Variants in PCDHA10 observed in about 807,000 individuals in gnomAD.
PCDHA10 encodes protocadherin alpha-10.
A neutral mutation model predicts 61.2 loss-of-function variants in PCDHA10; 45 were observed. That is an observed-to-expected ratio of 0.74 (90% CI 0.58 to 0.94). The LOEUF is 0.94. Ranked by LOEUF, PCDHA10 falls within the 40% of genes least tolerant of loss-of-function variation. The pLI, the probability that PCDHA10 is intolerant of heterozygous loss-of-function variation, is 0.00. For synonymous variants in PCDHA10, 602 were observed against 548.8 expected (o/e 1.10, Z -1.35); for missense variants, 1,278 against 1,236.2 (o/e 1.03, Z -0.51).
chr5:140,904,098 A>G (rs184234910), intron 1 of PCDHA10, among the ~76,000 whole-genome samples: 35 of 152,296 alleles, frequency 2.3e-4, no homozygotes, highest in African/African-American at 7.9e-4. Context: ...TAACTACTTT[A>G]GTGGTCATTG....
intron 1 of PCDHA10, chr5:140,882,939 G>T: frequency 2.5e-6 from 4 of 1,614,164 alleles, no homozygotes; most frequent in Non-Finnish European, 3.4e-6. Context: ...GAGCTGACTG[G>T]CACAGTTCAG....
intron 1 of PCDHA10, among the ~76,000 whole-genome samples, chr5:140,973,258 C>T (rs952911948): frequency 1.3e-5 from 2 of 152,168 alleles, no homozygotes; most frequent in African/African-American, 4.8e-5. Flanking sequence ...CTTTCAGTGG[C>T]ACCTACTTTT....
At chr5:140,896,608 C>A (rs1356168334) in intron 1 of PCDHA10, among the ~76,000 whole-genome samples, 2 of 151,832 alleles carry the variant, frequency 1.3e-5, no homozygotes, top group Non-Finnish European at 2.9e-5. Context: ...AACTCCTGGT[C>A]TTAAGTGATC....
chr5:140,951,551 A>C (rs246040), intron 1 of PCDHA10, among the ~76,000 whole-genome samples: 2 of 151,590 alleles, frequency 1.3e-5, no homozygotes, highest in African/African-American at 4.8e-5. Flanking sequence ...GACGGGGGGA[A>C]GTGCTACGCA....
Position 140,857,896 on chromosome 5 carries a change from T to G in PCDHA10, c.1848T>G (p.Gly616=). The G allele has an allele frequency of 6.3e-7, 1 of 1,597,704 alleles. No individual in the cohort carries two copies. Among genetic ancestry groups the G allele is most frequent in the Admixed American group, 1.7e-5 (1 of 59,234 alleles). Residue 616 remains glycine, a synonymous_variant, in exon 1 of 4, where the codon GGT becomes GGG. Transcript: ENST00000307360. Reference sequence around the variant, plus strand: ...ATGAATTGCAGTCGGCGGCGGTTGGTGCACGCATCCCGTTTCGCGTGGGGC... The same window carrying G: ...ATGAATTGCAGTCGGCGGCGGTTGGGGCACGCATCCCGTTTCGCGTGGGGC... ...LSYELQSAAV[G]ARIPFRVGLY...
chr5:140,995,401 G>A (rs576317630), intron 3 of PCDHA10, among the ~76,000 whole-genome samples: 7 of 152,238 alleles, frequency 4.6e-5, no homozygotes, highest in African/African-American at 1.4e-4. Context: ...GGGATGGCTC[G>A]AGATTTCATC....
At chr5:140,964,266 A>G (rs1408040035) in intron 1 of PCDHA10, among the ~76,000 whole-genome samples, 1 of 152,230 alleles carries the variant, frequency 6.6e-6, no homozygotes, top group Admixed American at 6.5e-5. Context: ...CTCCTTAATA[A>G]TTAAGGCAGT....
At chr5:140,926,899 G>A (rs1554203765) in intron 1 of PCDHA10, 2 of 1,552,028 alleles carry the variant, frequency 1.3e-6, no homozygotes, top group Non-Finnish European at 1.7e-6. Context: ...GAGGATGGTG[G>A]GCTGTGGGGT....
intron 1 of PCDHA10, chr5:140,882,358 G>T (rs1554173779): frequency 3.7e-6 from 6 of 1,614,232 alleles, no homozygotes; most frequent in Middle Eastern, 1.7e-4. Flanking sequence ...GTAGTGGCCA[G>T]CTCCACTACT....
chr5:140,876,012 T>C (rs2056048598), intron 1 of PCDHA10: 1 of 1,613,604 alleles, frequency 6.2e-7, no homozygotes, highest in Non-Finnish European at 8.5e-7. Flanking sequence ...ATTTTGAGCT[T>C]AAAATAAAAA....
intron 1 of PCDHA10, chr5:140,968,053 A>C: frequency 6.2e-7 from 1 of 1,614,154 alleles, no homozygotes; most frequent in Non-Finnish European, 8.5e-7. Flanking sequence ...CACTGGACCG[A>C]GAGCGGGTGG....
chr5:140,876,723 C>G, intron 1 of PCDHA10: 2 of 1,614,250 alleles, frequency 1.2e-6, no homozygotes, highest in African/African-American at 2.7e-5. Flanking sequence ...ACCGCGAGAG[C>G]GTGTCGGCCT....
chr5:140,926,405 T>C (rs1554203436), intron 1 of PCDHA10: 1 of 152,454 alleles, frequency 6.6e-6, no homozygotes, highest in Non-Finnish European at 1.5e-5. Context: ...TTATCAGCAA[T>C]CTGCGGGCAG....
At chr5:140,966,792 C>T (rs1182470326) in intron 1 of PCDHA10, 4 of 1,530,564 alleles carry the variant, frequency 2.6e-6, no homozygotes, top group Non-Finnish European at 2.6e-6. Context: ...ACCAGACCTG[C>T]GGCGACAGAG....
intron 1 of PCDHA10, among the ~76,000 whole-genome samples, chr5:140,893,162 G>A (rs2063851714): frequency 6.6e-6 from 1 of 152,202 alleles, no homozygotes; most frequent in Non-Finnish European, 1.5e-5. Flanking sequence ...GGATATTGAG[G>A]TTGATTCCAC....
At chr5:140,920,859 C>T in intron 1 of PCDHA10, among the ~76,000 whole-genome samples, 1 of 142,452 alleles carries the variant, frequency 7.0e-6, no homozygotes, top group African/African-American at 2.6e-5. Flanking sequence ...AAAAAAAAAA[C>T]AAACAAACTG....
chr5:140,877,467 G>T (rs1554169776), intron 1 of PCDHA10: 2 of 1,613,868 alleles, frequency 1.2e-6, no homozygotes, highest in Non-Finnish European at 1.7e-6. Flanking sequence ...CGGCCACGGT[G>T]CTGGTGTCGC....
At chr5:140,917,245 G>A (rs2077971406) in intron 1 of PCDHA10, among the ~76,000 whole-genome samples, 1 of 149,588 alleles carries the variant, frequency 6.7e-6, no homozygotes, top group Non-Finnish European at 1.5e-5. Context: ...TAGGTACTAC[G>A]ATTGCTCACC....
rs545282445 is a variant in PCDHA10 at position 140,862,074 on chromosome 5, A to G, written c.2388+3638A>G. On this transcript the variant is annotated intron_variant, in intron 1 of 3. Transcript: ENST00000307360. The stretch of plus-strand genomic sequence containing the variant: ...TTTCTTTGCAACTGATGTCTCCCCT[A>G]ACATAGAAGCCCTTTTTCGCATAGA... 8.3e-5 allele frequency: 13 copies of G among 157,080 alleles called. No homozygotes were observed. The South Asian group carries it at 2.1e-3, about 26-fold the overall frequency. 9.7% of individuals were successfully genotyped at this position (157,080 alleles called of 1,614,324 possible).
Sources: allele counts gnomAD v4.1 joint callset (sites outside exome capture counted in the v4.1 genomes callset), GRCh38; gene constraint gnomAD v4.1.1; transcripts MANE v1.5; gene names NCBI Gene and HGNC (gene_info 2026-07-23, HGNC 2026-07-21).